Variants in ZNF273 observed in about 807,000 individuals in gnomAD.
ZNF273 encodes the protein zinc finger protein 9.
In ZNF273, 11 loss-of-function variants were observed where a neutral mutation model predicts 14.9. The ratio of observed to expected loss-of-function variants is 0.74; its 90% CI spans 0.46 to 1.22. ZNF273 has a LOEUF of 1.22. ZNF273 is among the 50% of genes most tolerant of loss of function. The pLI is 0.00. For synonymous variants in ZNF273, 199 were observed against 223.9 expected, an observed-to-expected ratio of 0.89 and a Z score of 0.99; for missense variants, 577 against 660.6, an observed-to-expected ratio of 0.87 and a Z score of 1.39.
intron 1 of ZNF273, among the ~76,000 whole-genome samples, chr7:64,907,724 T>C (rs1362803330): frequency 6.6e-6 from 1 of 152,148 alleles, no homozygotes; most frequent in Non-Finnish European, 1.5e-5. Context: ...AGAGGAAAGA[T>C]ATCACAGAAG....
rs117524761 is a variant in ZNF273, at chr7:64,916,212, A to G, written c.103-1369A>G. On this transcript the variant is annotated intron_variant, in intron 1 of 3. Coordinates refer to ENST00000476120, the MANE Select transcript of ZNF273 (RefSeq NM_021148.3). ...AATTATTAGGAGAAAACTGCTCTCT[A>G]CGGTGTTGAAGACTACTTAAAATTA... Among the ~76,000 whole-genome samples, 89 of 152,060 alleles carry G rather than the reference A, an allele frequency of 5.9e-4. No individual in the cohort carries two copies. The East Asian group carries it at 0.016, about 27-fold the overall frequency.
chr7:64,915,461 A>G (rs1346615987), intron 1 of ZNF273, among the ~76,000 whole-genome samples: 1 of 152,232 alleles, frequency 6.6e-6, no homozygotes, highest in Non-Finnish European at 1.5e-5. Context: ...TTATAGATTA[A>G]AAGTAGTTCT....
At chr7:64,901,241 G>A, upstream of ZNF273, among the ~76,000 whole-genome samples, 1 of 152,134 alleles carries the variant, frequency 6.6e-6, no homozygotes, top group Non-Finnish European at 1.5e-5. Flanking sequence ...GACCTCAGGT[G>A]ATCTACCTGC....
chr7:64,903,408 AGCCTAGAAATGGTGAGAGT>A lies in ZNF273; in HGVS notation c.95_102+11del, dbSNP rs762850820. ...AGCTAAGACGCCAGGACTCCCTGGA[AGCCTAGAAATGGTGAGAGT>A]GCCGGGTCCCAGATCCCGAGAGAGG... On this transcript the variant is annotated splice_donor_variant and splice_donor_5th_base_variant and coding_sequence_variant and intron_variant, in exon 1 of 4. Coordinates refer to ENST00000476120, the MANE Select transcript of ZNF273 (RefSeq NM_021148.3). LOFTEE classifies it high-confidence loss of function. The A allele has an allele frequency of 6.2e-7, 1 of 1,612,858 alleles. No homozygotes were observed. The highest frequency in any genetic ancestry group is 8.5e-7 in the Non-Finnish European group (1 of 1,179,050).
chr7:64,917,606 C>A lies in ZNF273; in HGVS notation c.128C>A (p.Ala43Asp), dbSNP rs1583998894. 2 of 1,599,322 alleles carry A rather than the reference C, an allele frequency of 1.3e-6. No homozygotes were observed. Among genetic ancestry groups the A allele is most frequent in the Non-Finnish European group, 8.5e-7 (1 of 1,170,782 alleles). ...EMGPLTFRDVAIEFSLEEWQC... is the reference protein window; with the variant it reads ...EMGPLTFRDVDIEFSLEEWQC... ...GGACCACTGACATTTAGGGATGTGG[C>A]CATAGAATTCTCTCTGGAGGAGTGG... Residue 43 changes from alanine to aspartate, a missense_variant, in exon 2 of 4, where the codon GCC becomes GAC. Ala to Asp is a moderately radical substitution (Grantham distance 126). Coordinates refer to ENST00000476120, the MANE Select transcript of ZNF273 (RefSeq NM_021148.3).
chr7:64,917,753 T>G, intron 2 of ZNF273, 46 bp downstream of exon 2: 3 of 1,509,142 alleles, frequency 2.0e-6, no homozygotes, highest in Non-Finnish European at 2.7e-6. Context: ...ACTTCTCCTT[T>G]CTGTAGAATG....
At chr7:64,887,227 A>C (rs1208463384) in intron 1 of ZNF273, among the ~76,000 whole-genome samples, 1 of 152,224 alleles carries the variant, frequency 6.6e-6, no homozygotes, top group Non-Finnish European at 1.5e-5. Context: ...TGCACGTGCA[A>C]GTCTTTGACA....
At chr7:64,912,826 G>GTTTTTTGTTGTTGTTGTTGTTTTTT in intron 1 of ZNF273, among the ~76,000 whole-genome samples, 3 of 36,568 alleles carry the variant, frequency 8.2e-5, no homozygotes, top group East Asian at 6.2e-4. Flanking sequence ...ATTCATTTTA[G>GTTTTTTGTTGTTGTTGTTGTTTTTT]TTTTTTTTTT....
downstream of ZNF273, chr7:64,889,001 C>A (rs1165676833): frequency 1.0e-6 from 1 of 985,888 alleles, no homozygotes; most frequent in Non-Finnish European, 1.2e-6. This position sits in a 1 kb window ranked among gnomAD's most constrained non-coding sequence, Gnocchi z 4.2. Flanking sequence ...GGCAAGGGGC[C>A]AAGCAGAACC....
At chr7:64,883,240 G>C (rs1039140516), downstream of ZNF273, among the ~76,000 whole-genome samples, 4 of 138,548 alleles carry the variant, frequency 2.9e-5, no homozygotes, top group African/African-American at 7.9e-5. Context: ...GCAGCAACTG[G>C]TCTAGAAAGA....
chr7:64,913,397 G>C (rs980734910), intron 1 of ZNF273, among the ~76,000 whole-genome samples: 4 of 152,238 alleles, frequency 2.6e-5, no homozygotes, highest in African/African-American at 9.6e-5. Flanking sequence ...GGTGTTACGA[G>C]GATTCAATCA....
chr7:64,928,250 CATAAG>C lies in ZNF273; in HGVS notation c.927_931del (p.Lys309AsnfsTer11), dbSNP rs1193042407. 2 of 1,612,882 alleles carry C rather than the reference CATAAG, an allele frequency of 1.2e-6. No individual in the cohort carries two copies. The highest frequency in any genetic ancestry group is 1.7e-6 in the Non-Finnish European group (2 of 1,179,628). ...TAGTGTATTTTCAGTCCTTACTAAA[CATAAG>C]ATAATTCATACAGGAACAAAACCCT... On this transcript the variant is annotated frameshift_variant, in exon 4 of 4. Transcript: ENST00000476120. LOFTEE classifies it low-confidence loss of function (END_TRUNC).
At chr7:64,911,549 C>T (rs1306502048) in intron 1 of ZNF273, among the ~76,000 whole-genome samples, 1 of 152,174 alleles carries the variant, frequency 6.6e-6, no homozygotes, top group Admixed American at 6.5e-5. Context: ...AGGTGTGAGC[C>T]ACTGTGCCTG....
At chr7:64,900,435 G>C (rs765008575), upstream of ZNF273, among the ~76,000 whole-genome samples, 1 of 152,150 alleles carries the variant, frequency 6.6e-6, no homozygotes, top group Non-Finnish European at 1.5e-5. Context: ...GGCAGATAGC[G>C]AGGGTAAAAG....
intron 3 of ZNF273, among the ~76,000 whole-genome samples, chr7:64,922,996 G>A (rs989202453): frequency 5.3e-5 from 8 of 151,544 alleles, no homozygotes; most frequent in African/African-American, 9.7e-5. Context: ...AAAGAAAATC[G>A]CAAAATTTAC....
chr7:64,889,164 C>A, downstream of ZNF273: 1 of 985,922 alleles, frequency 1.0e-6, no homozygotes, highest in Non-Finnish European at 1.2e-6. The surrounding 1 kb of genome is among the most constrained non-coding windows in gnomAD (Gnocchi z 4.2). Context: ...CTGAGCTGAG[C>A]TCACTTGCTG....
At chr7:64,888,883 C>A, downstream of ZNF273, 1 of 985,764 alleles carries the variant, frequency 1.0e-6, no homozygotes, top group Non-Finnish European at 1.2e-6. Flanking sequence ...GCCAGGGAAA[C>A]GGAGGCCCTG....
In ZNF273 at chr7:64,917,585, C is replaced by A. The variant is rs1380899570; in HGVS notation, c.107C>A (p.Pro36Gln). ...PGLPGSLEMG[P>Q]LTFRDVAIEF... ...TTGTGTGTGTGTGTTTTTCAGGGAC[C>A]ACTGACATTTAGGGATGTGGCCATA... The change falls in exon 2 of 4, where the codon CCA (proline) becomes CAA (glutamine). Residue 36 changes from proline (P) to glutamine (Q), a missense_variant. This residue lies in a region of ZNF273 where 162 missense variants were observed against 203.5 expected (regional missense o/e 0.80). Transcript: ENST00000476120. The A allele has an allele frequency of 4.4e-6, 7 of 1,596,026 alleles. No homozygotes were observed. The African/African-American group carries it at 9.4e-5, about 21-fold the overall frequency.
At chr7:64,917,383 CTTATGCTACTCTT>C (rs1478460372) in intron 1 of ZNF273, among the ~76,000 whole-genome samples, 185 bp from the exon 2 acceptor site, 2 of 152,184 alleles carry the variant, frequency 1.3e-5, no homozygotes, top group Non-Finnish European at 2.9e-5. Flanking sequence ...TATTGTGGAT[CTTATGCTACTCTT>C]TTCTCAGAGT....
Sources: allele counts gnomAD v4.1 joint callset (sites outside exome capture counted in the v4.1 genomes callset), GRCh38; gene constraint gnomAD v4.1.1; regional missense constraint gnomAD v4.1.1; non-coding constraint Gnocchi (gnomAD v3.1); transcripts MANE v1.5; gene names NCBI Gene and HGNC (gene_info 2026-07-23, HGNC 2026-07-21).